Variants in UBE3D observed in about 807,000 individuals in gnomAD.
UBE3D encodes E3 ubiquitin-protein ligase E3D.
UBE3D carries 48 observed loss-of-function variants against 49.6 expected under a neutral mutation model. The observed-to-expected ratio is 0.97, with a 90% confidence interval of 0.77 to 1.23. The LOEUF is 1.23. Among genes scored for constraint, UBE3D ranks in the 50% most tolerant of loss-of-function variants. The pLI, the probability that UBE3D is intolerant of heterozygous loss-of-function variation, is 0.00. For synonymous variants in UBE3D, 189 were observed against 174.2 expected (o/e 1.08, Z -0.67); for missense variants, 452 against 468.4 (o/e 0.96, Z 0.32).
At chr6:82,903,406 GAGGAGAA>G (rs1447569832) in intron 9 of UBE3D, among the ~76,000 whole-genome samples, 1 of 152,160 alleles carries the variant, frequency 6.6e-6, no homozygotes, top group Non-Finnish European at 1.5e-5. Context: ...TATTTGATTA[GAGGAGAA>G]AACTTTGGCA....
chr6:82,941,816 G>A (rs1402968631), intron 9 of UBE3D, among the ~76,000 whole-genome samples: 1 of 152,178 alleles, frequency 6.6e-6, no homozygotes, highest in East Asian at 1.9e-4. Flanking sequence ...CCTGTGAAGA[G>A]GTACCTTCTG....
chr6:82,997,225 T>C (rs1582589107), intron 8 of UBE3D, among the ~76,000 whole-genome samples: 1 of 152,200 alleles, frequency 6.6e-6, no homozygotes, highest in African/African-American at 2.4e-5. Context: ...CAAGAAGGCA[T>C]GTGCAAAGGT....
At chr6:82,894,342 T>C (rs927876611) in intron 9 of UBE3D, among the ~76,000 whole-genome samples, 1 of 152,278 alleles carries the variant, frequency 6.6e-6, no homozygotes, top group East Asian at 1.9e-4. Flanking sequence ...CATATCTTGC[T>C]GGACAAAGGC....
chr6:83,034,309 T>C (rs964043700), intron 5 of UBE3D, among the ~76,000 whole-genome samples: 2 of 152,244 alleles, frequency 1.3e-5, no homozygotes, highest in Non-Finnish European at 2.9e-5. Flanking sequence ...GAATATTCAG[T>C]GTTTACATTA....
rs770858305 is a variant in UBE3D, at chr6:83,057,881, A to C, written c.219T>G (p.Phe73Leu). ...LVPSSCRGLQ[F>L]VVGDGLHLRL... ...GCAGGTGCAGTCCATCTCCAACAAC[A>C]AACTGTAGCCCACGGCAAGAGGAAG... The change falls in exon 2 of 10, where the codon TTT becomes TTG. Residue 73 changes from phenylalanine to leucine, a missense_variant. Phe to Leu is a conservative substitution (Grantham distance 22). Coordinates refer to ENST00000369747, the MANE Select transcript of UBE3D (RefSeq NM_198920.3). 3 of 1,614,126 alleles carry C rather than the reference A, an allele frequency of 1.9e-6. No homozygotes were observed. Among genetic ancestry groups the C allele is most frequent in the Non-Finnish European group, 2.5e-6 (3 of 1,180,028 alleles).
intron 9 of UBE3D, among the ~76,000 whole-genome samples, chr6:82,893,300 G>T (rs1230390930): frequency 6.6e-6 from 1 of 152,100 alleles, no homozygotes; most frequent in Non-Finnish European, 1.5e-5. Flanking sequence ...TGAAACTAAA[G>T]TTATATTGCT....
chr6:82,903,186 T>C (rs1771862784), intron 9 of UBE3D, among the ~76,000 whole-genome samples: 1 of 152,112 alleles, frequency 6.6e-6, no homozygotes, highest in Non-Finnish European at 1.5e-5. Context: ...GCGGTCTTAC[T>C]TTGTAGCCCA....
intron 8 of UBE3D, among the ~76,000 whole-genome samples, chr6:82,972,802 T>A (rs1777447010): frequency 6.6e-6 from 1 of 152,192 alleles, no homozygotes; most frequent in African/African-American, 2.4e-5. Context: ...TGAACATGAA[T>A]CATTCACATA....
intron 8 of UBE3D, among the ~76,000 whole-genome samples, chr6:82,972,263 G>A (rs889492622): frequency 6.6e-6 from 1 of 152,156 alleles, no homozygotes; most frequent in African/African-American, 2.4e-5. Flanking sequence ...TTTCACAAGA[G>A]GGCACTTGGC....
chr6:82,892,735 C>T lies in UBE3D; in HGVS notation c.*287G>A. 1 of 426,942 alleles carries T rather than the reference C, an allele frequency of 2.3e-6. No homozygotes were observed. The highest frequency in any genetic ancestry group is 4.4e-6 in the Non-Finnish European group (1 of 227,020). The allele number at this position is 426,942 out of a possible 1,614,324, so 26.4% of individuals were successfully genotyped here. On this transcript the variant is annotated 3_prime_UTR_variant, in exon 10 of 10. Coordinates refer to ENST00000369747, the MANE Select transcript of UBE3D (RefSeq NM_198920.3). ...CCTTCCAGGTGGTGCTGACACTGCA[C>T]ATATGTGAATATTCCTCTCTGTGGG...
chr6:82,981,230 T>C (rs1382085071), intron 8 of UBE3D, among the ~76,000 whole-genome samples: 1 of 152,128 alleles, frequency 6.6e-6, no homozygotes, highest in Non-Finnish European at 1.5e-5. Flanking sequence ...AGGCTGTCTT[T>C]TTAGCTGTAA....
At chr6:82,962,796 G>A (rs1219002209) in intron 8 of UBE3D, among the ~76,000 whole-genome samples, 1 of 152,048 alleles carries the variant, frequency 6.6e-6, no homozygotes, top group African/African-American at 2.4e-5. Flanking sequence ...AAGTATATTA[G>A]GCATTATTTA....
chr6:82,892,227 G>A (rs1770999725), downstream of UBE3D, among the ~76,000 whole-genome samples: 1 of 152,222 alleles, frequency 6.6e-6, no homozygotes, highest in African/African-American at 2.4e-5. Context: ...CCTGGCTCCA[G>A]TCCCAGCTTT....
chr6:83,058,059 T>G, intron 1 of UBE3D, 37 bp from the exon 2 acceptor site: 1 of 1,603,130 alleles, frequency 6.2e-7, no homozygotes, highest in Non-Finnish European at 8.5e-7. Flanking sequence ...AAATTATTTC[T>G]CACAATGAAA....
chr6:82,916,307 A>G (rs1405621010), intron 9 of UBE3D, among the ~76,000 whole-genome samples: 3 of 152,182 alleles, frequency 2.0e-5, no homozygotes, highest in African/African-American at 7.2e-5. Context: ...GGCATTTTCA[A>G]TTATTAAATA....
chr6:83,045,912 T>A lies in UBE3D; in HGVS notation c.366-1253A>T, dbSNP rs191561870. On this transcript the variant is annotated intron_variant, in intron 3 of 9. Transcript: ENST00000369747. ...CTGGTCTATAACAGTTTCTCAATAT[T>A]TCCTTATTTTTCAGACACTTGAGAT... Among the ~76,000 whole-genome samples, 260 of 152,310 alleles carry A rather than the reference T, an allele frequency of 1.7e-3. 1 individual carries two copies. Among genetic ancestry groups the A allele is most frequent in the African/African-American group, 6.0e-3 (249 of 41,588 alleles).
In UBE3D at chr6:83,027,181, T is replaced by C. The variant is rs540497390; in HGVS notation, c.668-3143A>G. ...GGCTGGGCGCAGTGGCTCACGCCTG[T>C]AATCCCAGCACTTTGGGAGGCTGAG... On this transcript the variant is annotated intron_variant, in intron 5 of 9. Transcript: ENST00000369747. Among the ~76,000 whole-genome samples the C allele has an allele frequency of 3.3e-5, 5 of 151,910 alleles. No homozygotes were observed. In the East Asian group the frequency reaches 9.7e-4, roughly 29 times the overall value.
intron 5 of UBE3D, among the ~76,000 whole-genome samples, chr6:83,035,092 G>A (rs1782151009): frequency 6.6e-6 from 1 of 151,066 alleles, no homozygotes; most frequent in Non-Finnish European, 1.5e-5. Context: ...GAGATGGGAG[G>A]ATCACTTGAG....
intron 8 of UBE3D, among the ~76,000 whole-genome samples, chr6:83,009,137 T>C (rs765560994): frequency 6.6e-6 from 1 of 152,172 alleles, no homozygotes; most frequent in Non-Finnish European, 1.5e-5. Context: ...AGATTCTACA[T>C]ATAATGAATA....
Sources: allele counts gnomAD v4.1 joint callset (sites outside exome capture counted in the v4.1 genomes callset), GRCh38; gene constraint gnomAD v4.1.1; transcripts MANE v1.5; gene names NCBI Gene and HGNC (gene_info 2026-07-23, HGNC 2026-07-21).